The following ZNF577 variants were observed in gnomAD, a reference collection of about 807,000 sequenced individuals.
ZNF577 encodes zinc finger protein 577.
In ZNF577, 14 loss-of-function variants were observed where a neutral mutation model predicts 13.9. The ratio of observed to expected loss-of-function variants is 1.00; its 90% CI spans 0.66 to 1.57. ZNF577 has a LOEUF of 1.57. Ranked by LOEUF, ZNF577 falls within the 40% of genes most tolerant of loss-of-function variation. The pLI is 0.00. For missense variants in ZNF577, 555 were observed against 579.2 expected, an observed-to-expected ratio of 0.96 and a Z score of 0.43; for synonymous variants, 203 against 202.9, an observed-to-expected ratio of 1.00 and a Z score of 0.00.
At chr19:51,811,478 G>A (rs2084095940) in exon 10 of ZNF577, 1 of 152,174 alleles carries the variant, frequency 6.6e-6, no homozygotes. Context: ...CTGACCTCAT[G>A]TGCGCTGCCA....
chr19:51,879,458 A>G (rs1340649955), intron 3 of ZNF577, among the ~76,000 whole-genome samples: 1 of 150,972 alleles, frequency 6.6e-6, no homozygotes, highest in Non-Finnish European at 1.5e-5. Context: ...AATCCCAGTT[A>G]CTCAGGAGGC....
intron 10 of ZNF577, among the ~76,000 whole-genome samples, chr19:51,810,835 G>T (rs1228461030): frequency 5.3e-5 from 8 of 152,158 alleles, no homozygotes; most frequent in African/African-American, 1.9e-4. Context: ...GTGTGTTCAT[G>T]AATAACCTGC....
rs754793594 is a variant in ZNF577 at position 51,852,627 on chromosome 19, C to A, written c.284-7696G>T. Among the ~76,000 whole-genome samples, 3 of 152,154 alleles carry A rather than the reference C, an allele frequency of 2.0e-5. No homozygotes were observed. In the East Asian group the frequency reaches 5.8e-4, roughly 29 times the overall value. On this transcript the variant is annotated intron_variant and NMD_transcript_variant, in intron 5 of 10. Coordinates refer to the ZNF577 transcript ENST00000638827. ...ACAGAGGTAAGCTAGAGAAGTGAAA[C>A]TGGCTGAGGGAAAGTGCTCCTGGCT...
chr19:51,833,957 A>C (rs1208394271), intron 9 of ZNF577, among the ~76,000 whole-genome samples: 1 of 152,226 alleles, frequency 6.6e-6, no homozygotes, highest in African/African-American at 2.4e-5. Context: ...ATAATAGTCA[A>C]ATCAGGGTAA....
chr19:51,884,841 T>C (rs1160671457), intron 1 of ZNF577, among the ~76,000 whole-genome samples: 1 of 152,228 alleles, frequency 6.6e-6, no homozygotes, highest in Admixed American at 6.5e-5. Flanking sequence ...TCAGATTATT[T>C]AGAAGCGTAT....
At chr19:51,881,247 G>C (rs1250896803) in intron 1 of ZNF577, among the ~76,000 whole-genome samples, 1 of 152,186 alleles carries the variant, frequency 6.6e-6, no homozygotes, top group Non-Finnish European at 1.5e-5. Flanking sequence ...TAGAGGCTGA[G>C]ATGGGTGGAT....
chr19:51,862,060 G>C (rs1234442817), downstream of ZNF577: 2 of 152,486 alleles, frequency 1.3e-5, no homozygotes, highest in African/African-American at 2.4e-5. Context: ...TGCATCATAG[G>C]GTCTCTCTCC....
chr19:51,848,290 G>A (rs886769610), intron 5 of ZNF577, among the ~76,000 whole-genome samples: 1 of 152,126 alleles, frequency 6.6e-6, no homozygotes, highest in Non-Finnish European at 1.5e-5. Context: ...TAAACCACAC[G>A]AAAGGTGAGG....
At chr19:51,830,816 C>A (rs764861011) in intron 9 of ZNF577, among the ~76,000 whole-genome samples, 5 of 152,154 alleles carry the variant, frequency 3.3e-5, no homozygotes, top group African/African-American at 1.2e-4. Context: ...TGCATCAATG[C>A]AGTCATCCTA....
chr19:51,861,113 CTTTTT>C (rs368241227), intron 5 of ZNF577: 265 of 184,892 alleles, frequency 1.4e-3, no homozygotes, highest in South Asian at 1.8e-3. Context: ...TTGACTCTCT[CTTTTT>C]TTTTTTTTTT....
chr19:51,857,435 A>AAAG (rs2084447527), intron 5 of ZNF577, among the ~76,000 whole-genome samples: 25 of 151,188 alleles, frequency 1.7e-4, no homozygotes, highest in African/African-American at 5.8e-4. Context: ...AGAAAAGAAA[A>AAAG]AACAAAGAAA....
chr19:51,850,137 A>C (rs559018542), intron 5 of ZNF577, among the ~76,000 whole-genome samples: 12 of 152,324 alleles, frequency 7.9e-5, no homozygotes, highest in African/African-American at 2.9e-4. Context: ...ATCTTCTCCA[A>C]AGAGAGGTTT....
chr19:51,833,392 G>A (rs2084270866), intron 9 of ZNF577, among the ~76,000 whole-genome samples: 1 of 152,136 alleles, frequency 6.6e-6, no homozygotes, highest in South Asian at 2.1e-4. Flanking sequence ...TAAGGTAGGA[G>A]CATAAATCTG....
At chr19:51,882,328 G>A (rs1268638564) in intron 1 of ZNF577, among the ~76,000 whole-genome samples, 1 of 149,286 alleles carries the variant, frequency 6.7e-6, no homozygotes. Context: ...ACCGAGAAGG[G>A]CAATGATACC....
intron 10 of ZNF577, among the ~76,000 whole-genome samples, chr19:51,807,941 TAGAA>T (rs1336307022): frequency 6.6e-6 from 1 of 152,258 alleles, no homozygotes; most frequent in Non-Finnish European, 1.5e-5. Flanking sequence ...TTTGATTAGA[TAGAA>T]AGAACCATTC....
At chr19:51,833,860 A>G (rs553244566) in intron 9 of ZNF577, among the ~76,000 whole-genome samples, 1 of 152,078 alleles carries the variant, frequency 6.6e-6, no homozygotes, top group African/African-American at 2.4e-5. Context: ...GGTACAATAT[A>G]TTTTTTTCTT....
intron 5 of ZNF577, among the ~76,000 whole-genome samples, chr19:51,860,031 C>A (rs2084479929): frequency 6.6e-6 from 1 of 152,016 alleles, no homozygotes; most frequent in Non-Finnish European, 1.5e-5. Flanking sequence ...ATAGAATATT[C>A]TCTGGAATCC....
rs572352642 is a variant in ZNF577 at position 51,874,718 on chromosome 19, T to C, written c.284-1012A>G. Among the ~76,000 whole-genome samples the C allele has an allele frequency of 7.2e-5, 11 of 152,256 alleles. No individual in the cohort carries two copies. The East Asian group carries it at 7.7e-4, about 11-fold the overall frequency. Reference sequence around the variant, plus strand: ...ACAGTTCCAAAACATGACTGTCCTATGGAGAATGAATTGAAAAGATGAAAT... The same window carrying C: ...ACAGTTCCAAAACATGACTGTCCTACGGAGAATGAATTGAAAAGATGAAAT... On this transcript the variant is annotated intron_variant, in intron 5 of 5. Transcript: ENST00000638348.
chr19:51,882,682 G>A (rs1037364124), intron 1 of ZNF577, among the ~76,000 whole-genome samples: 4 of 152,028 alleles, frequency 2.6e-5, no homozygotes, highest in Non-Finnish European at 4.4e-5. Context: ...TACTTAGGAC[G>A]GTGAGGCAGG....
Sources: gnomAD v4.1 joint callset for allele counts (sites outside exome capture counted in the v4.1 genomes callset) on GRCh38, gnomAD v4.1.1 for gene constraint, MANE v1.5 for transcripts, NCBI Gene and HGNC (gene_info 2026-07-23, HGNC 2026-07-21) for gene names.